MAGI2: variants seen among roughly 807,000 people sequenced by gnomAD.
MAGI2 encodes membrane associated guanylate kinase, WW and PDZ domain containing 2.
A neutral mutation model predicts 133.3 loss-of-function variants in MAGI2; 35 were observed. The ratio of observed to expected loss-of-function variants is 0.26; its 90% confidence interval spans 0.20 to 0.35. The LOEUF (loss-of-function observed/expected upper bound fraction) is 0.35. Among genes scored for constraint, MAGI2 ranks in the 10% least tolerant of loss-of-function variants. The pLI, the probability that MAGI2 is intolerant of heterozygous loss-of-function variation, is 1.00. For missense variants in MAGI2, 1,636 were observed against 1,863.4 expected (o/e 0.88, Z 2.25); for synonymous variants, 729 against 710.6 (o/e 1.03, Z -0.41).
chr7:78,280,803 C>T (rs1217227540), intron 9 of MAGI2, among the ~76,000 whole-genome samples: 1 of 138,190 alleles, frequency 7.2e-6, no homozygotes, highest in African/African-American at 2.8e-5. Context: ...CTCCCCCGAC[C>T]ATCTGCATCA....
At chr7:78,583,186 A>G (rs1803019253) in intron 3 of MAGI2, among the ~76,000 whole-genome samples, 1 of 152,212 alleles carries the variant, frequency 6.6e-6, no homozygotes, top group African/African-American at 2.4e-5. Context: ...GAGCCTTGAC[A>G]GAGTAAACAT....
chr7:79,147,260 T>A (rs765327067), intron 1 of MAGI2, among the ~76,000 whole-genome samples: 6 of 152,194 alleles, frequency 3.9e-5, no homozygotes, highest in African/African-American at 1.4e-4. Flanking sequence ...TTTCCAGGAT[T>A]TAGTAAACCA....
chr7:78,462,279 A>C (rs1790142913), intron 6 of MAGI2, among the ~76,000 whole-genome samples: 1 of 152,212 alleles, frequency 6.6e-6, no homozygotes, highest in Non-Finnish European at 1.5e-5. Context: ...ACCAGTATAC[A>C]AATTAAGTTA....
chr7:78,056,195 T>C (rs1280077669), intron 21 of MAGI2, among the ~76,000 whole-genome samples: 2 of 152,224 alleles, frequency 1.3e-5, no homozygotes, highest in Non-Finnish European at 2.9e-5. Flanking sequence ...GACTGGCTTA[T>C]TTCACTTCCC....
At chr7:79,182,924 C>T (rs571107964) in intron 1 of MAGI2, among the ~76,000 whole-genome samples, 99 of 151,912 alleles carry the variant, frequency 6.5e-4, no homozygotes, top group Non-Finnish European at 1.3e-3. Flanking sequence ...CTGGAGGTTA[C>T]GAGAAATAAG....
At chr7:78,824,721 T>C (rs1790469632) in intron 2 of MAGI2, among the ~76,000 whole-genome samples, 1 of 152,162 alleles carries the variant, frequency 6.6e-6, no homozygotes, top group Admixed American at 6.5e-5. Context: ...ATTCTGTAGG[T>C]TGCCTGTTCA....
At chr7:78,942,133 C>T (rs1436209237) in intron 2 of MAGI2, among the ~76,000 whole-genome samples, 4 of 152,154 alleles carry the variant, frequency 2.6e-5, no homozygotes, top group Admixed American at 1.3e-4. Flanking sequence ...GCTACAACAT[C>T]CTCCTATGTA....
chr7:79,432,497 G>T (rs1847843494), intron 1 of MAGI2, among the ~76,000 whole-genome samples: 1 of 152,240 alleles, frequency 6.6e-6, no homozygotes, highest in South Asian at 2.1e-4. Context: ...TCTGAAGGTG[G>T]GAACCTGAGT....
chr7:78,382,442 A>C (rs1168617899), intron 6 of MAGI2, among the ~76,000 whole-genome samples: 1 of 152,132 alleles, frequency 6.6e-6, no homozygotes, highest in Non-Finnish European at 1.5e-5. Context: ...CAAAAAAATT[A>C]AGTCAAATCT....
intron 3 of MAGI2, among the ~76,000 whole-genome samples, chr7:78,526,022 T>C (rs10239917): frequency 0.57 from 86,469 of 152,102 alleles, 24,750 homozygotes; most frequent in South Asian, 0.62. Context: ...CATCACAATA[T>C]AGCATGAAGT....
chr7:78,757,166 T>C (rs1824029636), intron 2 of MAGI2, among the ~76,000 whole-genome samples: 1 of 152,262 alleles, frequency 6.6e-6, no homozygotes, highest in Non-Finnish European at 1.5e-5. Context: ...AGTGCAACCT[T>C]GTTCCTGTTA....
At chr7:78,170,743 C>T (rs1584250327) in intron 14 of MAGI2, 2 of 151,894 alleles carry the variant, frequency 1.3e-5, no homozygotes, top group Middle Eastern at 3.5e-3. Context: ...TCAATTACCC[C>T]TTCAATTGAA....
At chr7:78,497,036 T>C (rs78997916) in intron 5 of MAGI2, among the ~76,000 whole-genome samples, 6 of 152,302 alleles carry the variant, frequency 3.9e-5, no homozygotes, top group East Asian at 3.9e-4. Flanking sequence ...AGATGAACTA[T>C]TGTTGTTAAG....
chr7:78,589,918 T>C (rs867477118), intron 3 of MAGI2, among the ~76,000 whole-genome samples: 1 of 152,188 alleles, frequency 6.6e-6, no homozygotes, highest in Non-Finnish European at 1.5e-5. Flanking sequence ...AGGAGGCCAT[T>C]AGAAATGCAT....
In MAGI2 at chr7:79,213,541, G is replaced by T. The variant is rs565277023; in HGVS notation, c.302-206335C>A. Reference sequence around the variant, plus strand: ...ATTTTGCCCATTTTAAGACTTTTTGGTGGTTAATTTTGTAAAGTTTTGAAG... The same window carrying T: ...ATTTTGCCCATTTTAAGACTTTTTGTTGGTTAATTTTGTAAAGTTTTGAAG... On this transcript the variant is annotated intron_variant, in intron 1 of 21. Transcript: ENST00000354212. Among the ~76,000 whole-genome samples the T allele has an allele frequency of 2.0e-5, 3 of 152,012 alleles. No individual in the cohort carries two copies. The East Asian group carries it at 5.8e-4, about 29-fold the overall frequency.
chr7:78,127,283 C>T lies in MAGI2; in HGVS notation c.3337G>A (p.Asp1113Asn). The change falls in exon 19 of 22, where the codon GAC (aspartate) becomes AAC (asparagine). Residue 1113 changes from aspartate (D) to asparagine (N), a missense_variant. Transcript: ENST00000354212. ...TCCAGTAGGGGAGGCTGCCTGTAGTCCAAGGGTGGGGGCTGCTGGTAGTCC... is the reference window on the plus strand; with the variant it reads ...TCCAGTAGGGGAGGCTGCCTGTAGTTCAAGGGTGGGGGCTGCTGGTAGTCC... ...GGDYQQPPPL[D>N]YRQPPLLDYR... The T allele has an allele frequency of 6.2e-7, 1 of 1,607,834 alleles. No homozygotes were observed. Among genetic ancestry groups the T allele is most frequent in the South Asian group, 1.1e-5 (1 of 90,664 alleles).
intron 20 of MAGI2, among the ~76,000 whole-genome samples, chr7:78,083,378 G>C (rs1484143942): frequency 9.9e-6 from 1 of 100,614 alleles, no homozygotes; most frequent in African/African-American, 3.8e-5. Context: ...GGGGGAGGGA[G>C]GGAGGGGGGG....
chr7:78,410,044 AAGGAAAGC>A (rs1395402767), intron 6 of MAGI2, among the ~76,000 whole-genome samples: 10 of 152,146 alleles, frequency 6.6e-5, no homozygotes, highest in African/African-American at 2.2e-4. Flanking sequence ...CCATGCAAAG[AAGGAAAGC>A]TGATGGTCTC....
chr7:78,794,215 A>C (rs1787410054), intron 2 of MAGI2, among the ~76,000 whole-genome samples: 1 of 152,202 alleles, frequency 6.6e-6, no homozygotes, highest in Admixed American at 6.5e-5. Context: ...TTGCTGTTCC[A>C]GTGACAGCAC....
Sources: gnomAD v4.1 joint callset for allele counts (sites outside exome capture counted in the v4.1 genomes callset) on GRCh38, gnomAD v4.1.1 for gene constraint, MANE v1.5 for transcripts, NCBI Gene and HGNC (gene_info 2026-07-23, HGNC 2026-07-21) for gene names.